Variants in LYN observed in about 807,000 individuals in gnomAD.
LYN encodes the protein LYN proto-oncogene, Src family tyrosine kinase.
A neutral mutation model predicts 65.0 loss-of-function variants in LYN; 12 were observed. The observed-to-expected ratio is 0.18, with a 90% CI of 0.12 to 0.30. The LOEUF is 0.30. Ranked by LOEUF, LYN falls within the 10% of genes least tolerant of loss-of-function variation. The pLI is 1.00. For synonymous variants in LYN, 222 were observed against 221.2 expected (o/e 1.00, Z -0.03); for missense variants, 380 against 623.2 (o/e 0.61, Z 4.16).
chr8:55,983,885 G>T (rs555507559), intron 10 of LYN, among the ~76,000 whole-genome samples: 4 of 152,244 alleles, frequency 2.6e-5, no homozygotes, highest in African/African-American at 4.8e-5. Context: ...CTGTCAGGGC[G>T]CTTAAAACAA....
chr8:55,919,875 A>G (rs1246625875), intron 1 of LYN, among the ~76,000 whole-genome samples: 2 of 146,902 alleles, frequency 1.4e-5, no homozygotes, highest in African/African-American at 5.1e-5. Context: ...GCAACTTTAT[A>G]ATTCTTTGTA....
At chr8:55,946,361 T>C in intron 2 of LYN, 87 bp from the exon 3 acceptor site, 2 of 845,308 alleles carry the variant, frequency 2.4e-6, no homozygotes, top group South Asian at 2.8e-5. Context: ...TAACATCTGC[T>C]ACTGTTACAA....
intron 2 of LYN, among the ~76,000 whole-genome samples, chr8:55,942,321 A>C (rs535484174): frequency 7.4e-6 from 1 of 135,380 alleles, no homozygotes; most frequent in South Asian, 2.3e-4. Flanking sequence ...GTATATATGT[A>C]TATATATGTG....
At chr8:55,941,613 C>T (rs16922459) in intron 1 of LYN, among the ~76,000 whole-genome samples, 22,924 of 152,064 alleles carry the variant, frequency 0.15, 1,889 homozygotes, top group Middle Eastern at 0.28. Context: ...CACAAGAATA[C>T]GAGCAGAGTT....
intron 1 of LYN, among the ~76,000 whole-genome samples, chr8:55,911,098 T>TATATATATATATATACACACACACAC: frequency 5.1e-4 from 6 of 11,684 alleles, no homozygotes; most frequent in Non-Finnish European, 8.5e-4. Context: ...TATATATATA[T>TATATATATATATATACACACACACAC]ACATACACGT....
chr8:55,993,964 C>G (rs1808309937), intron 10 of LYN, among the ~76,000 whole-genome samples: 1 of 152,170 alleles, frequency 6.6e-6, no homozygotes. Flanking sequence ...TATGTGACAG[C>G]TCTTTCTGTA....
At chr8:55,923,760 G>A (rs547164052) in intron 1 of LYN, among the ~76,000 whole-genome samples, 5 of 151,982 alleles carry the variant, frequency 3.3e-5, no homozygotes, top group Non-Finnish European at 5.9e-5. Context: ...GGCTGGTCTC[G>A]AACTCCTGAC....
chr8:55,923,704 T>C (rs1672173224), intron 1 of LYN, among the ~76,000 whole-genome samples: 1 of 152,106 alleles, frequency 6.6e-6, no homozygotes, highest in Non-Finnish European at 1.5e-5. Flanking sequence ...CATACCCACC[T>C]GATTTTTGTA....
intron 1 of LYN, among the ~76,000 whole-genome samples, chr8:55,937,337 C>T (rs529630258): frequency 1.6e-4 from 25 of 152,238 alleles, no homozygotes; most frequent in African/African-American, 5.8e-4. Flanking sequence ...ACCGCAATTA[C>T]TTTTGCAACA....
chr8:55,910,398 A>G (rs1805565115), intron 1 of LYN, among the ~76,000 whole-genome samples: 1 of 152,176 alleles, frequency 6.6e-6, no homozygotes, highest in African/African-American at 2.4e-5. Flanking sequence ...ATTTATTGAA[A>G]AGGGTATCCT....
chr8:55,984,343 A>C (rs923876195), intron 10 of LYN, among the ~76,000 whole-genome samples: 6 of 152,202 alleles, frequency 3.9e-5, no homozygotes, highest in Non-Finnish European at 8.8e-5. Flanking sequence ...CTGGCTCAGC[A>C]TCTGCCCAAA....
intron 12 of LYN, among the ~76,000 whole-genome samples, chr8:56,004,375 C>T (rs1271505474): frequency 6.7e-6 from 1 of 148,926 alleles, no homozygotes; most frequent in Non-Finnish European, 1.5e-5. Flanking sequence ...CTCACTGCAA[C>T]CTCCACCTCC....
intron 1 of LYN, among the ~76,000 whole-genome samples, chr8:55,894,871 G>A (rs1260865099): frequency 6.6e-6 from 1 of 152,024 alleles, no homozygotes; most frequent in East Asian, 1.9e-4. Flanking sequence ...TAGAGATGGG[G>A]TTTTGCCATG....
intron 1 of LYN, among the ~76,000 whole-genome samples, chr8:55,937,627 T>A (rs1806472841): frequency 6.6e-6 from 1 of 152,180 alleles, no homozygotes. Context: ...AGCTGGATAA[T>A]GGTAAGGCAT....
chr8:55,967,598 G>A (rs1326048299), intron 9 of LYN, among the ~76,000 whole-genome samples: 1 of 152,158 alleles, frequency 6.6e-6, no homozygotes, highest in African/African-American at 2.4e-5. Flanking sequence ...TTACAGGCAT[G>A]AGCACCCAGC....
At chr8:55,882,688 G>A (rs1804685029) in intron 1 of LYN, among the ~76,000 whole-genome samples, 1 of 152,182 alleles carries the variant, frequency 6.6e-6, no homozygotes, top group African/African-American at 2.4e-5. Context: ...TGGTGAAGGT[G>A]TTAGCACCTT....
At chr8:56,001,784 C>T (rs1808519803) in intron 12 of LYN, among the ~76,000 whole-genome samples, 1 of 151,998 alleles carries the variant, frequency 6.6e-6, no homozygotes, top group Admixed American at 6.5e-5. Context: ...AACATACAAT[C>T]TCATAAAAGA....
chr8:55,931,852 T>C (rs1001917611), intron 1 of LYN, among the ~76,000 whole-genome samples: 14 of 152,222 alleles, frequency 9.2e-5, no homozygotes, highest in Non-Finnish European at 1.8e-4. Flanking sequence ...ACTTGAATAT[T>C]ATTTTTATTT....
chr8:55,886,804 T>C (rs1042415499), intron 1 of LYN, among the ~76,000 whole-genome samples: 2 of 152,358 alleles, frequency 1.3e-5, no homozygotes, highest in East Asian at 1.9e-4. Flanking sequence ...ATACATCATA[T>C]AATTTGTAAA....
Sources: allele counts gnomAD v4.1 joint callset (sites outside exome capture counted in the v4.1 genomes callset), GRCh38; gene constraint gnomAD v4.1.1; transcripts MANE v1.5; gene names NCBI Gene and HGNC (gene_info 2026-07-23, HGNC 2026-07-21).